Variants in RBFOX1 observed in about 807,000 individuals in gnomAD.
RBFOX1 encodes RNA binding fox-1 homolog 1, also known as RNA binding protein fox-1 homolog 1.
In RBFOX1, 8 loss-of-function variants were observed where a neutral mutation model predicts 57.7. The ratio of observed to expected loss-of-function variants is 0.14; its 90% CI spans 0.08 to 0.25. The LOEUF is 0.25. Ranked by LOEUF, RBFOX1 falls within the 10% of genes least tolerant of loss-of-function variation. The pLI is 1.00. For missense variants in RBFOX1, 611 were observed against 548.5 expected (o/e 1.11, Z -1.14); for synonymous variants, 326 against 222.4 (o/e 1.47, Z -4.15).
At chr16:5,894,961 T>G in intron 4 of RBFOX1, among the ~76,000 whole-genome samples, 1 of 152,094 alleles carries the variant, frequency 6.6e-6, no homozygotes. Context: ...AGGCAGAGCT[T>G]GCAGTAGGCA....
chr16:5,974,358 C>T (rs1003214883), intron 4 of RBFOX1, among the ~76,000 whole-genome samples: 1 of 152,172 alleles, frequency 6.6e-6, no homozygotes, highest in Non-Finnish European at 1.5e-5. Flanking sequence ...CCTGTAATCC[C>T]AGCACGTTGG....
At chr16:7,321,114 TATACATATACA>T (rs2096538282) in intron 4 of RBFOX1, among the ~76,000 whole-genome samples, 2 of 140,666 alleles carry the variant, frequency 1.4e-5, no homozygotes, top group African/African-American at 2.5e-5. Context: ...TACATATACA[TATACATATACA>T]TATACTTATA....
At chr16:6,722,641 C>G (rs1005846874) in intron 3 of RBFOX1, among the ~76,000 whole-genome samples, 31 of 152,260 alleles carry the variant, frequency 2.0e-4, no homozygotes, top group Non-Finnish European at 7.4e-5. Context: ...TTGAAAATAT[C>G]CAACTGGAAA....
intron 4 of RBFOX1, among the ~76,000 whole-genome samples, chr16:7,406,631 CA>C (rs1171872068): frequency 2.6e-5 from 4 of 152,212 alleles, no homozygotes; most frequent in Non-Finnish European, 5.9e-5. Flanking sequence ...CTCTGCCTTC[CA>C]AAGTGACCAC....
At chr16:5,803,471 C>T (rs1421315053) in intron 3 of RBFOX1, among the ~76,000 whole-genome samples, 1 of 152,204 alleles carries the variant, frequency 6.6e-6, no homozygotes, top group Non-Finnish European at 1.5e-5. Context: ...GCTTCTGTTT[C>T]CTCATCCATT....
intron 1 of RBFOX1, among the ~76,000 whole-genome samples, chr16:6,065,432 G>A (rs1256060904): frequency 6.6e-6 from 1 of 152,108 alleles, no homozygotes; most frequent in Non-Finnish European, 1.5e-5. Context: ...TAGGTGGTTT[G>A]CTTTTCTTGC....
At chr16:5,287,899 A>G (rs187997953) in intron 1 of RBFOX1, among the ~76,000 whole-genome samples, 1 of 152,374 alleles carries the variant, frequency 6.6e-6, no homozygotes, top group Admixed American at 6.5e-5. Context: ...ACTTGGATCC[A>G]TTAATGTACC....
chr16:7,123,848 G>C (rs1343034802), intron 4 of RBFOX1, among the ~76,000 whole-genome samples: 1 of 152,054 alleles, frequency 6.6e-6, no homozygotes, highest in East Asian at 1.9e-4. Context: ...ACGAGGGTGG[G>C]GCTGTGGTCA....
Position 7,195,927 on chromosome 16 carries a change from G to T in RBFOX1, c.27+143829G>T, listed in dbSNP as rs1004889078. 4.6e-5 allele frequency among the ~76,000 whole-genome samples: 7 copies of T among 151,926 alleles called. 1 individual carries two copies. The South Asian group carries it at 1.3e-3, about 27-fold the overall frequency. On this transcript the variant is annotated intron_variant, in intron 4 of 15. Transcript: ENST00000550418. ...TGTCACTGAATAAAGGTTAGCCCACGTGATATGATTTTTTCTTTCATTCTC... is the reference window on the plus strand; with the variant it reads ...TGTCACTGAATAAAGGTTAGCCCACTTGATATGATTTTTTCTTTCATTCTC...
intron 4 of RBFOX1, among the ~76,000 whole-genome samples, chr16:7,508,909 G>T (rs1012789061): frequency 1.3e-5 from 2 of 152,186 alleles, no homozygotes; most frequent in Non-Finnish European, 2.9e-5. Flanking sequence ...CTATCTGTAG[G>T]AACGGTGCAT....
intron 1 of RBFOX1, among the ~76,000 whole-genome samples, chr16:5,440,891 A>G (rs551467404): frequency 6.6e-6 from 1 of 152,214 alleles, no homozygotes; most frequent in Non-Finnish European, 1.5e-5. Flanking sequence ...CAAAAAGGTT[A>G]AGTGATTTTC....
At chr16:5,777,367 C>A (rs1252344642) in intron 3 of RBFOX1, among the ~76,000 whole-genome samples, 1 of 152,172 alleles carries the variant, frequency 6.6e-6, no homozygotes, top group Non-Finnish European at 1.5e-5. Context: ...CTGGATAATT[C>A]AGGGAAAATA....
intron 2 of RBFOX1, among the ~76,000 whole-genome samples, chr16:6,533,630 A>C (rs2153821122): frequency 6.6e-6 from 1 of 152,302 alleles, no homozygotes; most frequent in Admixed American, 6.5e-5. Context: ...TTGAGGAGGA[A>C]AAGCAAGTCT....
chr16:6,032,848 G>A (rs1342047897), intron 1 of RBFOX1, among the ~76,000 whole-genome samples: 2 of 149,982 alleles, frequency 1.3e-5, no homozygotes, highest in Non-Finnish European at 3.0e-5. Context: ...TCTTTTCCCA[G>A]AAAAGTGGTT....
At chr16:6,106,386 AC>A (rs1188728063) in intron 1 of RBFOX1, among the ~76,000 whole-genome samples, 2 of 142,126 alleles carry the variant, frequency 1.4e-5, no homozygotes, top group African/African-American at 5.4e-5. Context: ...GAATTGCTTG[AC>A]CCCTGGAGTG....
chr16:5,901,773 A>G (rs1423141718), intron 4 of RBFOX1, among the ~76,000 whole-genome samples: 3 of 152,208 alleles, frequency 2.0e-5, no homozygotes, highest in African/African-American at 7.2e-5. Context: ...CACATTACCC[A>G]AATTGAGCTT....
Position 6,137,508 on chromosome 16 carries a change from G to C in RBFOX1, c.-127+117516G>C, listed in dbSNP as rs373754653. 2.8e-4 allele frequency among the ~76,000 whole-genome samples: 43 copies of C among 151,670 alleles called. 1 individual carries two copies. The highest frequency in any genetic ancestry group is 1.0e-3 in the African/African-American group (42 of 41,330). ...TTTAGTAGACACGGGGTTTCACCAT[G>C]TTGGTCAGGCTGGTCTCGAGCTCCT... On this transcript the variant is annotated intron_variant, in intron 1 of 15. Coordinates refer to ENST00000550418, the MANE Select transcript of RBFOX1 (RefSeq NM_018723.4).
chr16:7,221,582 G>C lies in RBFOX1; in HGVS notation c.27+169484G>C, dbSNP rs984754478. ...GGGTCGCACCATGTTGGCCAGGGTA[G>C]TCTTGAACTCCTGACCTCAGGTGAT... On this transcript the variant is annotated intron_variant, in intron 4 of 15. Coordinates refer to ENST00000550418, the MANE Select transcript of RBFOX1 (RefSeq NM_018723.4). Among the ~76,000 whole-genome samples the C allele has an allele frequency of 6.6e-5, 10 of 152,260 alleles. No homozygotes were observed. The South Asian group carries it at 1.9e-3, about 28-fold the overall frequency.
intron 3 of RBFOX1, among the ~76,000 whole-genome samples, chr16:7,033,395 C>A (rs2043323378): frequency 6.6e-6 from 1 of 152,184 alleles, no homozygotes; most frequent in Non-Finnish European, 1.5e-5. Context: ...TGGCACATGC[C>A]TGTAATCCCA....
Sources: allele counts gnomAD v4.1 joint callset (sites outside exome capture counted in the v4.1 genomes callset), GRCh38; gene constraint gnomAD v4.1.1; transcripts MANE v1.5; gene names NCBI Gene and HGNC (gene_info 2026-07-23, HGNC 2026-07-21).